Variants in TMEM117 observed in about 807,000 individuals in gnomAD.
The protein encoded by TMEM117 is transmembrane protein 117.
Under a neutral mutation model 52.4 loss-of-function variants are expected in TMEM117, and 27 were observed. The observed-to-expected ratio is 0.51, with a 90% CI of 0.38 to 0.71. The LOEUF (loss-of-function observed/expected upper bound fraction) is 0.71, where lower values mean the gene tolerates loss of function less well. Ranked by LOEUF, TMEM117 falls within the 30% of genes least tolerant of loss-of-function variation. The pLI, the probability that TMEM117 is intolerant of heterozygous loss-of-function variation, is 0.00. For synonymous variants in TMEM117, 215 were observed against 206.3 expected (o/e 1.04, Z -0.36); for missense variants, 556 against 630.5 (o/e 0.88, Z 1.26).
intron 2 of TMEM117, among the ~76,000 whole-genome samples, chr12:43,853,487 G>A (rs1005401477): frequency 6.6e-6 from 1 of 152,160 alleles, no homozygotes; most frequent in Non-Finnish European, 1.5e-5. Context: ...CGTTGGCCAG[G>A]ATGGTCTCGA....
chr12:44,214,262 CAGCCTCCAG>C (rs1408494941), intron 5 of TMEM117, among the ~76,000 whole-genome samples: 8 of 150,950 alleles, frequency 5.3e-5, no homozygotes, highest in Non-Finnish European at 1.2e-4. Flanking sequence ...TCTCCTGCCT[CAGCCTCCAG>C]AGTAGCTGGG....
chr12:44,208,850 C>T (rs942580409), intron 4 of TMEM117, among the ~76,000 whole-genome samples: 2 of 148,624 alleles, frequency 1.3e-5, no homozygotes, highest in African/African-American at 5.0e-5. Flanking sequence ...AGATTGTCTC[C>T]TTCTAGAAAA....
At chr12:43,832,908 C>T (rs1035998957), upstream of TMEM117, among the ~76,000 whole-genome samples, 7 of 152,278 alleles carry the variant, frequency 4.6e-5, no homozygotes, top group African/African-American at 1.4e-4. Flanking sequence ...AATAAGCCTT[C>T]AATAAGTTGA....
At chr12:43,938,768 G>T (rs1944994801) in intron 2 of TMEM117, among the ~76,000 whole-genome samples, 1 of 152,170 alleles carries the variant, frequency 6.6e-6, no homozygotes, top group Non-Finnish European at 1.5e-5. Flanking sequence ...GGAAGGCCAA[G>T]GTGGATGGAT....
intron 3 of TMEM117, among the ~76,000 whole-genome samples, chr12:44,059,383 T>G (rs1182656222): frequency 2.6e-5 from 4 of 152,218 alleles, no homozygotes; most frequent in African/African-American, 9.6e-5. Flanking sequence ...TATCACTTTT[T>G]TCCCCAGAAT....
chr12:43,912,586 C>T (rs1944531408), intron 2 of TMEM117, among the ~76,000 whole-genome samples: 1 of 146,478 alleles, frequency 6.8e-6, no homozygotes, highest in Non-Finnish European at 1.5e-5. Context: ...GTTTTGTTAA[C>T]TCCTATATCC....
chr12:43,810,090 A>G, the TMEM117 span, among the ~76,000 whole-genome samples: 1 of 150,408 alleles, frequency 6.6e-6, no homozygotes, highest in African/African-American at 2.5e-5. Flanking sequence ...TTTGGTTCAA[A>G]AGAATTGTTG....
intron 5 of TMEM117, among the ~76,000 whole-genome samples, chr12:44,219,856 A>G (rs560301365): frequency 1.2e-4 from 18 of 152,292 alleles, no homozygotes; most frequent in African/African-American, 3.8e-4. Flanking sequence ...AACAGTTGGT[A>G]TCTAAAGTTC....
intron 3 of TMEM117, among the ~76,000 whole-genome samples, chr12:44,136,577 A>G (rs970404374): frequency 6.6e-6 from 1 of 152,062 alleles, no homozygotes; most frequent in Admixed American, 6.5e-5. Context: ...CCTTTTTTTC[A>G]TATGGATAAA....
intron 3 of TMEM117, among the ~76,000 whole-genome samples, chr12:44,015,492 AT>A (rs1400948355): frequency 2.0e-5 from 3 of 151,490 alleles, no homozygotes; most frequent in Non-Finnish European, 2.9e-5. Context: ...TTTTGCTCAA[AT>A]TTTTTTTTGT....
chr12:44,181,506 A>C (rs1949198444), intron 4 of TMEM117, among the ~76,000 whole-genome samples: 3 of 150,634 alleles, frequency 2.0e-5, no homozygotes, highest in African/African-American at 7.3e-5. Context: ...TTAAGTCCTT[A>C]ATCCATCTTG....
intron 7 of TMEM117, among the ~76,000 whole-genome samples, chr12:44,382,387 G>A (rs1038927077): frequency 2.0e-5 from 3 of 152,100 alleles, no homozygotes; most frequent in South Asian, 2.1e-4. Context: ...TAGCTATGTC[G>A]TGGAATTCAT....
At chr12:44,146,814 T>A (rs1429452234) in intron 4 of TMEM117, among the ~76,000 whole-genome samples, 1 of 152,188 alleles carries the variant, frequency 6.6e-6, no homozygotes, top group African/African-American at 2.4e-5. Flanking sequence ...AAGCAACTAT[T>A]TACATTAACA....
chr12:44,285,884 C>T (rs911231829), intron 5 of TMEM117, among the ~76,000 whole-genome samples: 1 of 152,178 alleles, frequency 6.6e-6, no homozygotes, highest in African/African-American at 2.4e-5. Context: ...AAGCATTCTT[C>T]TGCTTTTGCC....
intron 3 of TMEM117, among the ~76,000 whole-genome samples, chr12:44,115,283 G>A (rs1407239264): frequency 6.6e-6 from 1 of 152,144 alleles, no homozygotes; most frequent in Non-Finnish European, 1.5e-5. Flanking sequence ...ACAGGAAGGG[G>A]AACATCACAC....
At chr12:44,352,110 T>C (rs1268659162) in intron 6 of TMEM117, among the ~76,000 whole-genome samples, 7 of 151,922 alleles carry the variant, frequency 4.6e-5, no homozygotes, top group Admixed American at 4.6e-4. Context: ...ATATGCATGG[T>C]AAGTAAAAGC....
intron 2 of TMEM117, among the ~76,000 whole-genome samples, chr12:43,892,506 G>A (rs1322237473): frequency 1.3e-5 from 2 of 152,144 alleles, no homozygotes; most frequent in African/African-American, 4.8e-5. Flanking sequence ...GGAATGATAG[G>A]AACCTTCCCC....
intron 3 of TMEM117, among the ~76,000 whole-genome samples, chr12:43,992,304 A>T (rs1194913054): frequency 6.6e-6 from 1 of 152,022 alleles, no homozygotes; most frequent in Non-Finnish European, 1.5e-5. Flanking sequence ...ATGAGGTCTC[A>T]CTGTATTGCC....
At chr12:44,029,163 C>T (rs776068850) in intron 3 of TMEM117, among the ~76,000 whole-genome samples, 2 of 152,180 alleles carry the variant, frequency 1.3e-5, no homozygotes, top group Admixed American at 1.3e-4. Context: ...GGATGCTTGA[C>T]TGACCTTGTG....
Sources: gnomAD v4.1 joint callset for allele counts (sites outside exome capture counted in the v4.1 genomes callset) on GRCh38, gnomAD v4.1.1 for gene constraint, MANE v1.5 for transcripts, NCBI Gene and HGNC (gene_info 2026-07-23, HGNC 2026-07-21) for gene names.